SLC6A15: variants seen among roughly 807,000 people sequenced by gnomAD.
The protein encoded by SLC6A15 is solute carrier family 6 member 15.
SLC6A15 carries 33 observed loss-of-function variants against 68.5 expected under a neutral mutation model. The ratio of observed to expected loss-of-function variants is 0.48; its 90% CI spans 0.37 to 0.64. The LOEUF is 0.64. SLC6A15 is among the 30% of genes least tolerant of loss of function. SLC6A15 has a pLI of 0.00. For missense variants in SLC6A15, 747 were observed against 874.3 expected, an observed-to-expected ratio of 0.85 and a Z score of 1.84; for synonymous variants, 347 against 301.0, an observed-to-expected ratio of 1.15 and a Z score of -1.58.
chr12:84,876,954 T>C (rs1871575730), intron 5 of SLC6A15, among the ~76,000 whole-genome samples: 1 of 152,216 alleles, frequency 6.6e-6, no homozygotes, highest in African/African-American at 2.4e-5. Context: ...CCTACTTTTT[T>C]GTTGTTGTTC....
chr12:84,884,099 T>C, intron 4 of SLC6A15, 59 bp from the exon 5 acceptor site: 2 of 1,401,640 alleles, frequency 1.4e-6, no homozygotes, highest in Non-Finnish European at 2.0e-6. Context: ...TGCGACAATT[T>C]CTTTTCCAAT....
At chr12:84,898,922 G>T (rs1436964023) in intron 1 of SLC6A15, among the ~76,000 whole-genome samples, 2 of 152,180 alleles carry the variant, frequency 1.3e-5, no homozygotes, top group African/African-American at 2.4e-5. Context: ...CTCTGAATTA[G>T]CAGTGTGAAC....
chr12:84,876,879 T>A (rs1871572553), intron 5 of SLC6A15, among the ~76,000 whole-genome samples: 2 of 152,220 alleles, frequency 1.3e-5, no homozygotes, highest in African/African-American at 2.4e-5. Context: ...TGTTGATTCC[T>A]TATAGTTCAT....
chr12:84,860,830 A>G lies in SLC6A15; in HGVS notation c.*802T>C, dbSNP rs1195209430. On this transcript the variant is annotated 3_prime_UTR_variant, in exon 12 of 12. Transcript: ENST00000266682. ...AAGTACTTAAATGCATTGCAAGTAT[A>G]TTGTATAAATATACTATGAATAATC... 6.6e-6 allele frequency: 1 copy of G among 152,178 alleles called. No homozygotes were observed. Among genetic ancestry groups the G allele is most frequent in the Non-Finnish European group, 1.5e-5 (1 of 68,018 alleles). The allele number at this position is 152,178 out of a possible 1,614,324, so 9.4% of individuals were successfully genotyped here. A position where few individuals can be genotyped will look rare whatever the true frequency, so the allele number is the denominator to read the frequency against.
Position 84,873,043 on chromosome 12 carries a change from G to A in SLC6A15, c.1109+44C>T, listed in dbSNP as rs76347625. 15,982 of 1,587,958 alleles carry A rather than the reference G, an allele frequency of 0.01. 757 individuals carry two copies. The African/African-American group carries it at 0.14, about 14-fold the overall frequency. ...GTATCAATAAAAGTATAAATAACAA[G>A]ATAAAAACTAAGAAAAAAGGCAAAT... On this transcript the variant is annotated intron_variant, in intron 7 of 11. Transcript: ENST00000266682.
intron 1 of SLC6A15, among the ~76,000 whole-genome samples, chr12:84,901,574 T>G (rs1200388087): frequency 6.6e-6 from 1 of 151,850 alleles, no homozygotes; most frequent in Admixed American, 6.6e-5. Flanking sequence ...TCCTTCAAAA[T>G]TTTCTACCTT....
chr12:84,864,979 A>G (rs1182555532), intron 10 of SLC6A15, among the ~76,000 whole-genome samples: 2 of 152,180 alleles, frequency 1.3e-5, no homozygotes, highest in Non-Finnish European at 2.9e-5. Flanking sequence ...AGTGTTATTC[A>G]GGAACACTAG....
intron 1 of SLC6A15, among the ~76,000 whole-genome samples, chr12:84,896,327 A>T (rs560391863): frequency 1.3e-5 from 2 of 152,298 alleles, no homozygotes; most frequent in African/African-American, 4.8e-5. Flanking sequence ...CATGCCCATA[A>T]AATATTGCTC....
chr12:84,885,337 T>C (rs1206128178), intron 4 of SLC6A15, 98 bp downstream of exon 4: 2 of 1,128,360 alleles, frequency 1.8e-6, no homozygotes, highest in African/African-American at 3.2e-5. Flanking sequence ...TGAATGATGT[T>C]TCTACATTAT....
At chr12:84,910,092 T>C (rs1873363552) in intron 1 of SLC6A15, among the ~76,000 whole-genome samples, 1 of 152,196 alleles carries the variant, frequency 6.6e-6, no homozygotes, top group Non-Finnish European at 1.5e-5. Context: ...ATTTCATATT[T>C]ATTCAGTGAT....
rs763818768 is a variant in SLC6A15 at position 84,891,934 on chromosome 12, C to A, written c.187G>T (p.Ala63Ser). 6.2e-7 allele frequency: 1 copy of A among 1,614,026 alleles called. No homozygotes were observed. The highest frequency in any genetic ancestry group is 1.1e-5 in the South Asian group (1 of 91,066). ...ATGTATTGTAGTTTACTGTTCCAAG[C>A]TGGTCTTTCATCTTCGACTTCAGAT... ...EGSEVEDERP[A>S]WNSKLQYILA... The change falls in exon 2 of 12, where the codon GCT (alanine) becomes TCT (serine). Residue 63 changes from alanine to serine, a missense_variant. Coordinates refer to ENST00000266682, the MANE Select transcript of SLC6A15 (RefSeq NM_182767.6).
intron 8 of SLC6A15, among the ~76,000 whole-genome samples, chr12:84,871,103 C>T (rs964549898): frequency 4.0e-5 from 6 of 151,130 alleles, no homozygotes; most frequent in African/African-American, 1.5e-4. Flanking sequence ...TTGGTTTTAC[C>T]TTACCTCAAA....
chr12:84,871,276 C>T (rs995185977), intron 8 of SLC6A15, among the ~76,000 whole-genome samples: 1 of 149,858 alleles, frequency 6.7e-6, no homozygotes, highest in Non-Finnish European at 1.5e-5. Flanking sequence ...ACATCTTTAC[C>T]TTTTTTTACT....
chr12:84,904,184 GAGGGAGAGAA>G (rs1212036909), intron 1 of SLC6A15, among the ~76,000 whole-genome samples: 3 of 149,878 alleles, frequency 2.0e-5, no homozygotes, highest in Admixed American at 1.3e-4. Flanking sequence ...CACATGGAAA[GAGGGAGAGAA>G]AGGGAGAGAA....
At chr12:84,885,817 T>G (rs1872072506) in intron 3 of SLC6A15, 94 bp downstream of exon 3, 1 of 1,285,554 alleles carries the variant, frequency 7.8e-7, no homozygotes, top group Non-Finnish European at 1.1e-6. Context: ...AAGAGTTGTT[T>G]ATTAACACAC....
chr12:84,887,156 G>C (rs1476344931), intron 2 of SLC6A15, among the ~76,000 whole-genome samples: 1 of 152,090 alleles, frequency 6.6e-6, no homozygotes, highest in African/African-American at 2.4e-5. Context: ...TTAATCTGCA[G>C]TTTTGTCCAA....
At chr12:84,886,140 A>T in intron 2 of SLC6A15, 72 bp from the exon 3 acceptor site, 1 of 1,045,588 alleles carries the variant, frequency 9.6e-7, no homozygotes, top group Non-Finnish European at 1.4e-6. Context: ...AGTTTATCCC[A>T]TTAAAGATAA....
At chr12:84,895,337 G>GTTTTTT (rs1362312029) in intron 1 of SLC6A15, among the ~76,000 whole-genome samples, 1 of 65,424 alleles carries the variant, frequency 1.5e-5, no homozygotes, top group African/African-American at 6.9e-5. Flanking sequence ...ATTTTTGTTT[G>GTTTTTT]TATTTTTTTT....
In SLC6A15 at chr12:84,892,003, T is replaced by G. The variant is rs946841186; in HGVS notation, c.118A>C (p.Ile40Leu). 3.1e-6 allele frequency: 5 copies of G among 1,613,942 alleles called. No individual in the cohort carries two copies. The African/African-American group carries it at 6.7e-5, about 22-fold the overall frequency. The change falls in exon 2 of 12, where the codon ATT (isoleucine) becomes CTT (leucine). Residue 40 changes from isoleucine to leucine, a missense_variant. Coordinates refer to ENST00000266682, the MANE Select transcript of SLC6A15 (RefSeq NM_182767.6). ...ADDAFKTSEL[I>L]VDGQEEKDTD... ...TCTTTCTCTTCCTGGCCATCAACAA[T>G]TAGTTCACTTGTCTTAAAAGCATCA...
Sources: allele counts gnomAD v4.1 joint callset (sites outside exome capture counted in the v4.1 genomes callset), GRCh38; gene constraint gnomAD v4.1.1; transcripts MANE v1.5; gene names NCBI Gene and HGNC (gene_info 2026-07-23, HGNC 2026-07-21).